FAM120C: variants seen among roughly 807,000 people sequenced by gnomAD.
The protein encoded by FAM120C is family with sequence similarity 120 member C, also known as constitutive coactivator of PPAR-gamma-like protein 2.
A neutral mutation model predicts 71.2 loss-of-function variants in FAM120C; 14 were observed. The observed-to-expected ratio is 0.20, with a 90% CI of 0.13 to 0.31. FAM120C has a LOEUF of 0.31. FAM120C is among the 10% of genes least tolerant of loss of function. FAM120C has a pLI of 1.00. For synonymous variants in FAM120C, 354 were observed against 353.2 expected (o/e 1.00, Z -0.03); for missense variants, 500 against 879.0 (o/e 0.57, Z 5.45).
intron 1 of FAM120C, 144 bp from the exon 2 acceptor site, chrX:54,159,760 A>AT: frequency 2.1e-6 from 1 of 475,421 alleles, no homozygotes; most frequent in Non-Finnish European, 3.0e-6. Context: ...AACATTTTTT[A>AT]CTTTTTTTTT....
At chrX:54,081,730 C>T (rs1424533790) in intron 13 of FAM120C, among the ~76,000 whole-genome samples, 4 of 100,180 alleles carry the variant, frequency 4.0e-5, no homozygotes, top group Admixed American at 1.1e-4. Context: ...GCTGAGACTG[C>T]GCCACTGCAC....
chrX:54,101,268 G>A (rs1363112197), intron 10 of FAM120C, among the ~76,000 whole-genome samples: 4 of 111,415 alleles, frequency 3.6e-5, no homozygotes, highest in Non-Finnish European at 7.5e-5. Flanking sequence ...GATGAGGGAA[G>A]CAGCTTTCCC....
At chrX:54,150,970 C>T (rs904110770) in intron 4 of FAM120C, among the ~76,000 whole-genome samples, 2 of 111,129 alleles carry the variant, frequency 1.8e-5, no homozygotes, top group Admixed American at 9.7e-5. Context: ...CCACCTTGGC[C>T]TCCCAAAGTG....
At chrX:54,177,657 T>C (rs2067325689) in intron 1 of FAM120C, among the ~76,000 whole-genome samples, 1 of 111,409 alleles carries the variant, frequency 9.0e-6, no homozygotes, top group Non-Finnish European at 1.9e-5. Flanking sequence ...AAAAGATGTG[T>C]TGAAAGCTCA....
intron 1 of FAM120C, among the ~76,000 whole-genome samples, chrX:54,172,936 TC>T (rs2067296074): frequency 8.9e-6 from 1 of 112,284 alleles, no homozygotes; most frequent in Non-Finnish European, 1.9e-5. Flanking sequence ...GCTATGTAAA[TC>T]TCCAAAAATA....
At chrX:54,119,832 G>A (rs1195241166) in intron 9 of FAM120C, among the ~76,000 whole-genome samples, 1 of 38,703 alleles carries the variant, frequency 2.6e-5, no homozygotes, top group Non-Finnish European at 4.4e-5. Flanking sequence ...TTTCTTCTAG[G>A]GTTTTTATGG....
intron 9 of FAM120C, among the ~76,000 whole-genome samples, chrX:54,126,639 A>G (rs1478851681): frequency 8.9e-6 from 1 of 112,650 alleles, no homozygotes; most frequent in Admixed American, 9.4e-5. Context: ...GATAGTTCTT[A>G]TCATGAATGA....
intron 10 of FAM120C, among the ~76,000 whole-genome samples, chrX:54,094,402 T>G (rs2066840021): frequency 9.3e-6 from 1 of 107,901 alleles, no homozygotes; most frequent in Admixed American, 1.0e-4. Context: ...TGGCCTCCAC[T>G]ACTCCTTTTC....
intron 9 of FAM120C, among the ~76,000 whole-genome samples, chrX:54,129,246 G>T (rs1158901185): frequency 5.8e-5 from 6 of 102,909 alleles, no homozygotes; most frequent in African/African-American, 2.2e-4. Context: ...CGGGCGGAGG[G>T]GCTCCTCACT....
intron 10 of FAM120C, among the ~76,000 whole-genome samples, chrX:54,112,125 A>G (rs782698990): frequency 2.7e-5 from 3 of 112,337 alleles, no homozygotes; most frequent in South Asian, 3.7e-4. Flanking sequence ...ACAAAAATCA[A>G]TTCAAGATGG....
intron 1 of FAM120C, among the ~76,000 whole-genome samples, chrX:54,160,575 A>G (rs2067231422): frequency 9.0e-6 from 1 of 111,579 alleles, no homozygotes; most frequent in African/African-American, 3.3e-5. Flanking sequence ...CTATTGCTGT[A>G]CTTGAAGTAT....
intron 15 of FAM120C, among the ~76,000 whole-genome samples, 194 bp from the exon 16 acceptor site, chrX:54,073,481 GGT>G (rs1189066680): frequency 1.5e-4 from 16 of 109,322 alleles, no homozygotes; most frequent in Non-Finnish European, 3.8e-5. Context: ...CCCAGGCTGG[GGT>G]GTAGTCTGCA....
intron 10 of FAM120C, among the ~76,000 whole-genome samples, chrX:54,101,013 A>G (rs1371944904): frequency 9.0e-6 from 1 of 111,184 alleles, no homozygotes; most frequent in Non-Finnish European, 1.9e-5. Context: ...GGGCATTGCT[A>G]CAGTAGGGGA....
At chrX:54,176,450 AAG>A (rs1309483062) in intron 1 of FAM120C, among the ~76,000 whole-genome samples, 3 of 109,186 alleles carry the variant, frequency 2.7e-5, no homozygotes, top group Non-Finnish European at 5.7e-5. Context: ...AAAAAAAAAA[AAG>A]AGATTTAATC....
chrX:54,182,367 G>T, intron 1 of FAM120C, 133 bp downstream of exon 1: 1 of 745,724 alleles, frequency 1.3e-6, no homozygotes, highest in Non-Finnish European at 1.9e-6. Context: ...TAGGCAGGTA[G>T]GTTAGCTGTT....
chrX:54,158,568 A>C (rs1162983145), intron 2 of FAM120C, among the ~76,000 whole-genome samples: 1 of 111,704 alleles, frequency 9.0e-6, no homozygotes. Context: ...CAGGAGTTCA[A>C]GACCAGCCTG....
chrX:54,086,772 A>AG (rs1433055138), intron 12 of FAM120C, among the ~76,000 whole-genome samples: 32 of 108,263 alleles, frequency 3.0e-4, no homozygotes, highest in Non-Finnish European at 4.8e-4. Context: ...AAAAAAAAAA[A>AG]AAGAAGAAAG....
At chrX:54,142,444 C>T (rs763777399) in intron 4 of FAM120C, among the ~76,000 whole-genome samples, 13,346 of 111,987 alleles carry the variant, frequency 0.12, 1,354 homozygotes, top group African/African-American at 0.34. Flanking sequence ...ACGCCTGGCT[C>T]GGAGGGTCCT....
Position 54,072,950 on chromosome X carries a change from A to AT in FAM120C, c.*82dup, listed in dbSNP as rs1430792779. 1 of 1,078,452 alleles carries AT rather than the reference A, an allele frequency of 9.3e-7. No homozygotes were observed. Among genetic ancestry groups the AT allele is most frequent in the East Asian group, 3.1e-5 (1 of 32,685 alleles). 88.9% of individuals were successfully genotyped at this position (1,078,452 alleles called of 1,213,427 possible). A position where few individuals can be genotyped will look rare whatever the true frequency, so the allele number is the denominator to read the frequency against. On this transcript the variant is annotated 3_prime_UTR_variant, in exon 16 of 16. Transcript: ENST00000375180. ...CTGGAGAAATCTAGGGTAAGCATTT[A>AT]TATCCTCCTCTAGCTTGGGCCTAAA...
Sources: gnomAD v4.1 joint callset for allele counts (sites outside exome capture counted in the v4.1 genomes callset) on GRCh38, gnomAD v4.1.1 for gene constraint, MANE v1.5 for transcripts, NCBI Gene and HGNC (gene_info 2026-07-23, HGNC 2026-07-21) for gene names.